The following TENM2 variants were observed in gnomAD, a reference collection of about 807,000 sequenced individuals.
TENM2 encodes teneurin transmembrane protein 2, also known as teneurin-2.
A neutral mutation model predicts 245.2 loss-of-function variants in TENM2; 52 were observed. That is an observed-to-expected ratio of 0.21 (90% CI 0.17 to 0.27). The LOEUF (loss-of-function observed/expected upper bound fraction) is 0.27. TENM2 is among the 10% of genes least tolerant of loss of function. The pLI is 1.00. For synonymous variants in TENM2, 1,363 were observed against 1,438.9 expected, an observed-to-expected ratio of 0.95 and a Z score of 1.19; for missense variants, 3,046 against 3,666.8, an observed-to-expected ratio of 0.83 and a Z score of 4.37.
chr5:167,326,885 CAAGT>C (rs1757121590), intron 1 of TENM2, among the ~76,000 whole-genome samples: 1 of 151,612 alleles, frequency 6.6e-6, no homozygotes. Context: ...GTTTCTGTCT[CAAGT>C]AAGCTGCATG....
At chr5:168,025,574 T>C (rs916349243) in intron 5 of TENM2, among the ~76,000 whole-genome samples, 2 of 152,228 alleles carry the variant, frequency 1.3e-5, no homozygotes, top group Non-Finnish European at 2.9e-5. Context: ...ATTAGGTTTA[T>C]GTGGCTACAT....
At chr5:167,917,785 C>G (rs1303918027) in intron 3 of TENM2, among the ~76,000 whole-genome samples, 1 of 152,148 alleles carries the variant, frequency 6.6e-6, no homozygotes, top group Non-Finnish European at 1.5e-5. Flanking sequence ...AGTATGTTGC[C>G]TTGCATTTGA....
chr5:167,563,505 G>A, intron 2 of TENM2, among the ~76,000 whole-genome samples: 1 of 152,186 alleles, frequency 6.6e-6, no homozygotes, highest in East Asian at 1.9e-4. Context: ...TGCACCAACT[G>A]TGTGTCCTTA....
intron 2 of TENM2, among the ~76,000 whole-genome samples, chr5:167,817,608 A>G (rs1312796822): frequency 6.6e-6 from 1 of 152,230 alleles, no homozygotes; most frequent in African/African-American, 2.4e-5. Flanking sequence ...TCTACAAAGT[A>G]GGACCTTAAA....
At chr5:167,651,872 C>T (rs566377738) in intron 2 of TENM2, among the ~76,000 whole-genome samples, 2 of 152,278 alleles carry the variant, frequency 1.3e-5, no homozygotes, top group African/African-American at 2.4e-5. Flanking sequence ...ACTGCAACTT[C>T]TTGAACAAGA....
intron 2 of TENM2, among the ~76,000 whole-genome samples, chr5:167,589,154 A>G (rs1775705378): frequency 6.7e-6 from 1 of 149,832 alleles, no homozygotes; most frequent in Non-Finnish European, 1.5e-5. Context: ...GTGAACTGAG[A>G]TTGTGCCATT....
At chr5:167,736,731 T>G (rs1760828009) in intron 2 of TENM2, among the ~76,000 whole-genome samples, 1 of 150,384 alleles carries the variant, frequency 6.6e-6, no homozygotes, top group South Asian at 2.1e-4. Flanking sequence ...AGAGAGGAAT[T>G]TGGAGAGGAA....
At chr5:167,218,003 G>C in the TENM2 span, among the ~76,000 whole-genome samples, 1 of 152,184 alleles carries the variant, frequency 6.6e-6, no homozygotes, top group Admixed American at 6.5e-5. Flanking sequence ...TAGTATTTAA[G>C]AGGGGTAAAA....
chr5:167,893,099 T>G (rs1471100942), intron 3 of TENM2, among the ~76,000 whole-genome samples: 2 of 152,210 alleles, frequency 1.3e-5, no homozygotes, highest in African/African-American at 2.4e-5. Flanking sequence ...TCCTGAGGTC[T>G]TTTTATTCTT....
intron 2 of TENM2, among the ~76,000 whole-genome samples, chr5:167,578,668 G>C (rs1335859557): frequency 6.6e-6 from 1 of 152,010 alleles, no homozygotes; most frequent in Admixed American, 6.5e-5. Flanking sequence ...ATCTTTAAGG[G>C]TTTTCATCTC....
intron 2 of TENM2, among the ~76,000 whole-genome samples, chr5:167,682,428 G>A (rs965466303): frequency 2.6e-5 from 4 of 152,026 alleles, no homozygotes; most frequent in Non-Finnish European, 4.4e-5. Context: ...CTCCCAAACT[G>A]TTGGGATTAC....
chr5:168,263,135 C>A, downstream of TENM2: 1 of 237,936 alleles, frequency 4.2e-6, no homozygotes, highest in Non-Finnish European at 8.1e-6. Flanking sequence ...GCAAAGTGTC[C>A]AAAAGGAACA....
the TENM2 span, among the ~76,000 whole-genome samples, chr5:167,012,619 G>T: frequency 2.2e-4 from 33 of 152,266 alleles, no homozygotes; most frequent in African/African-American, 7.5e-4. Context: ...CAGGGAGAGG[G>T]ATTCCAAGGC....
At position 168,049,095 on chromosome 5, in the gene TENM2, C is replaced by T. The variant is rs142151602; in HGVS notation, c.1309+1546C>T. On this transcript the variant is annotated intron_variant, in intron 6 of 28. Transcript: ENST00000518659. ...ATGGTTCTTAGTCATAGCATTTTTG[C>T]ACCCCTAGAGGACATTTGGCAATGT... is the stretch of plus-strand genomic sequence containing the variant. Among the ~76,000 whole-genome samples, 95 of 152,264 alleles carry T rather than the reference C, an allele frequency of 6.2e-4. 1 individual carries two copies. Among genetic ancestry groups the T allele is most frequent in the Middle Eastern group, 3.4e-3 (1 of 294 alleles).
At chr5:167,784,518 A>T (rs568275926) in intron 2 of TENM2, among the ~76,000 whole-genome samples, 2 of 152,302 alleles carry the variant, frequency 1.3e-5, no homozygotes, top group East Asian at 3.9e-4. Flanking sequence ...CTTAATTGTG[A>T]TCACACATAC....
chr5:167,265,047 G>A, the TENM2 span, among the ~76,000 whole-genome samples: 3 of 152,068 alleles, frequency 2.0e-5, no homozygotes, highest in African/African-American at 7.2e-5. Context: ...AGGAAAGGTG[G>A]CCGGGAGCGA....
intron 2 of TENM2, among the ~76,000 whole-genome samples, chr5:167,814,246 G>A (rs530485051): frequency 4.6e-5 from 7 of 152,188 alleles, no homozygotes; most frequent in South Asian, 2.1e-4. Context: ...AGCCCAAGTC[G>A]TCTGTCGGAA....
chr5:167,255,611 T>C, the TENM2 span, among the ~76,000 whole-genome samples: 1 of 152,328 alleles, frequency 6.6e-6, no homozygotes, highest in Admixed American at 6.5e-5. Context: ...TATGAAAACG[T>C]AGATTTCGAT....
intron 12 of TENM2, among the ~76,000 whole-genome samples, chr5:168,139,704 A>G (rs569355473): frequency 1.5e-4 from 23 of 152,198 alleles, no homozygotes; most frequent in Non-Finnish European, 2.9e-4. Context: ...GGGGTAGGCG[A>G]GAATGACGTA....
Sources: allele counts gnomAD v4.1 joint callset (sites outside exome capture counted in the v4.1 genomes callset), GRCh38; gene constraint gnomAD v4.1.1; transcripts MANE v1.5; gene names NCBI Gene and HGNC (gene_info 2026-07-23, HGNC 2026-07-21).